PIP5K1C: variants seen among roughly 807,000 people sequenced by gnomAD.
PIP5K1C encodes phosphatidylinositol 4-phosphate 5-kinase type-1 gamma.
In PIP5K1C, 45 loss-of-function variants were observed where a neutral mutation model predicts 80.1. That is an observed-to-expected ratio of 0.56 (90% CI 0.44 to 0.72). The LOEUF is 0.72. Among genes scored for constraint, PIP5K1C ranks in the 30% least tolerant of loss-of-function variants. The probability of loss-of-function intolerance (pLI) is 0.00; values close to 1 mark genes in which losing one functional copy is unlikely to be tolerated. For synonymous variants in PIP5K1C, 498 were observed against 420.1 expected (o/e 1.19, Z -2.27); for missense variants, 753 against 954.6 (o/e 0.79, Z 2.78).
intron 1 of PIP5K1C, among the ~76,000 whole-genome samples, chr19:3,681,935 T>TC (rs2035601728): frequency 1.3e-5 from 2 of 152,102 alleles, no homozygotes; most frequent in African/African-American, 4.8e-5. Context: ...GCGAACTCCT[T>TC]CCCCGTCAGC....
intron 1 of PIP5K1C, among the ~76,000 whole-genome samples, chr19:3,686,416 T>C (rs891078518): frequency 6.2e-5 from 9 of 144,160 alleles, no homozygotes; most frequent in Non-Finnish European, 1.4e-4. Flanking sequence ...TGAGACTCTG[T>C]CTCAAAAAAA....
At chr19:3,662,678 G>C (rs914773325) in intron 3 of PIP5K1C, among the ~76,000 whole-genome samples, 6 of 152,092 alleles carry the variant, frequency 3.9e-5, no homozygotes, top group Admixed American at 3.9e-4. Flanking sequence ...TGATTCTCCT[G>C]CCTCAGCTTC....
chr19:3,633,629 C>A (rs1181897402), intron 16 of PIP5K1C, 109 bp from the exon 17 acceptor site: 1 of 700,498 alleles, frequency 1.4e-6, no homozygotes, highest in Non-Finnish European at 2.1e-6. Flanking sequence ...AGAGGCGAAT[C>A]CCCCATGGAA....
At position 3,688,512 on chromosome 19, in the gene PIP5K1C, CCCCCTGGT is replaced by C. The variant is rs529818273; in HGVS notation, c.94+11777_94+11784del. Among the ~76,000 whole-genome samples the C allele has an allele frequency of 6.6e-6, 1 of 152,282 alleles. No individual in the cohort carries two copies. Among genetic ancestry groups the C allele is most frequent in the East Asian group, 1.9e-4 (1 of 5,164 alleles). On this transcript the variant is annotated intron_variant, in intron 1 of 17. Coordinates refer to ENST00000335312, the MANE Select transcript of PIP5K1C (RefSeq NM_012398.3). This position sits in a 1 kb window ranked among gnomAD's most constrained non-coding sequence, Gnocchi z 5.3. ...GGCAGCTCCGGTGAGGCCACCCTCG[CCCCCTGGT>C]TTCAACTCCTGCTGTGAGCACCTGG...
At chr19:3,668,458 G>C (rs1301178312) in intron 1 of PIP5K1C, 2 of 152,374 alleles carry the variant, frequency 1.3e-5, no homozygotes, top group Non-Finnish European at 2.9e-5. Context: ...GAGGGAGGAA[G>C]GGACCTGAGC....
Position 3,630,950 on chromosome 19 carries a change from G to A in PIP5K1C, c.*2217C>T, listed in dbSNP as rs527814833. 6.6e-6 allele frequency: 1 copy of A among 152,236 alleles called. No homozygotes were observed. The highest frequency in any genetic ancestry group is 6.5e-5 in the Admixed American group (1 of 15,282). The allele number at this position is 152,236 out of a possible 1,614,324, so 9.4% of individuals were successfully genotyped here. ...TGCCGTCCTCCTGCCCCCGCCCCTC[G>A]GCACAGTCAGTGGAGCACGTCAGCC... On this transcript the variant is annotated 3_prime_UTR_variant, in exon 18 of 18. Coordinates refer to ENST00000335312, the MANE Select transcript of PIP5K1C (RefSeq NM_012398.3).
intron 4 of PIP5K1C, among the ~76,000 whole-genome samples, 187 bp from the exon 5 acceptor site, chr19:3,661,270 C>T (rs973148233): frequency 3.3e-5 from 5 of 152,120 alleles, no homozygotes; most frequent in Admixed American, 6.6e-5. Flanking sequence ...AGTAACCACC[C>T]TCTCTTCTTT....
chr19:3,684,995 T>C (rs950418697), intron 1 of PIP5K1C, among the ~76,000 whole-genome samples: 11 of 152,216 alleles, frequency 7.2e-5, no homozygotes, highest in African/African-American at 2.7e-4. Flanking sequence ...TTTGGTGCCG[T>C]CTGAAATACA....
At chr19:3,653,620 G>T (rs2034526127) in intron 6 of PIP5K1C, 31 bp from the exon 7 acceptor site, 2 of 1,589,458 alleles carry the variant, frequency 1.3e-6, no homozygotes, top group Non-Finnish European at 1.7e-6. Flanking sequence ...GTCGTGGAGG[G>T]CGGCTGGGCC....
In PIP5K1C at chr19:3,633,663, T is replaced by A. The variant is rs952037369; in HGVS notation, c.1921-143A>T. 145 of 515,190 alleles carry A rather than the reference T, an allele frequency of 2.8e-4. No homozygotes were observed. The East Asian group carries it at 5.0e-3, about 18-fold the overall frequency. 31.9% of individuals were successfully genotyped at this position (515,190 alleles called of 1,614,324 possible). On this transcript the variant is annotated intron_variant, in intron 16 of 17. Transcript: ENST00000335312. ...AAGACGAGGGGTGGCTCAGCCCAGCTGCCCTCTCTGACCCGGTGGACTTGC... is the reference window on the plus strand; with the variant it reads ...AAGACGAGGGGTGGCTCAGCCCAGCAGCCCTCTCTGACCCGGTGGACTTGC...
intron 1 of PIP5K1C, among the ~76,000 whole-genome samples, chr19:3,681,837 T>C (rs938895113): frequency 1.3e-5 from 2 of 151,922 alleles, no homozygotes; most frequent in Non-Finnish European, 2.9e-5. Context: ...GGCACATTCT[T>C]CAGATAAACT....
At chr19:3,662,366 G>A (rs1306839813) in intron 3 of PIP5K1C, among the ~76,000 whole-genome samples, 1 of 152,184 alleles carries the variant, frequency 6.6e-6, no homozygotes, top group Non-Finnish European at 1.5e-5. Context: ...TTTTTAGGGG[G>A]TACCATTTAC....
intron 16 of PIP5K1C, chr19:3,636,795 C>G (rs1165475780): frequency 1.0e-6 from 1 of 987,448 alleles, no homozygotes; most frequent in Non-Finnish European, 1.2e-6. Flanking sequence ...AGGGGACACT[C>G]CTGCTTTGGG....
chr19:3,687,754 G>T (rs769417522), intron 1 of PIP5K1C, among the ~76,000 whole-genome samples: 1 of 152,164 alleles, frequency 6.6e-6, no homozygotes, highest in Admixed American at 6.5e-5. Flanking sequence ...GTAGTAGGCC[G>T]CCCCTCTTCC....
At position 3,651,897 on chromosome 19, in the gene PIP5K1C, C is replaced by A; in HGVS notation, c.1056G>T (p.Ala352=). 6.2e-7 allele frequency: 1 copy of A among 1,612,812 alleles called. No homozygotes were observed. The highest frequency in any genetic ancestry group is 1.1e-5 in the South Asian group (1 of 91,080). The change falls in exon 8 of 18, where the codon GCG becomes GCT. Residue 352 remains alanine (A), a synonymous_variant. Coordinates refer to ENST00000335312, the MANE Select transcript of PIP5K1C (RefSeq NM_012398.3). The part of the protein sequence containing the change: ...SDEKRPVGQK[A]LYSTAMESIQ... The stretch of plus-strand genomic sequence containing the variant: ...TGGACTCCATGGCCGTGGAGTAGAG[C>A]GCCTTCTGGCCCACAGGCCGCTTCT...
chr19:3,698,950 C>T (rs1301044926), intron 1 of PIP5K1C, among the ~76,000 whole-genome samples: 1 of 148,788 alleles, frequency 6.7e-6, no homozygotes, highest in Non-Finnish European at 1.5e-5. Context: ...CCCACCCCCC[C>T]ACTCCCCCGC....
intron 1 of PIP5K1C, among the ~76,000 whole-genome samples, chr19:3,668,760 C>T (rs1054906793): frequency 8.6e-5 from 13 of 151,994 alleles, no homozygotes; most frequent in Non-Finnish European, 1.8e-4. Flanking sequence ...GGGTGACAGG[C>T]GGGGTGCGGA....
Position 3,700,442 on chromosome 19 carries a change from C to G in PIP5K1C, c.-52G>C, listed in dbSNP as rs1475452250. On this transcript the variant is annotated 5_prime_UTR_variant, in exon 1 of 18. Transcript: ENST00000335312. Reference sequence around the variant, plus strand: ...GCCCGAGGGGGACCCGAGCTGCGACCGCCGCCGCCGAACAACAAGCGCCGC... The same window carrying G: ...GCCCGAGGGGGACCCGAGCTGCGACGGCCGCCGCCGAACAACAAGCGCCGC... The G allele has an allele frequency of 2.1e-6, 2 of 965,540 alleles. No individual in the cohort carries two copies. Among genetic ancestry groups the G allele is most frequent in the African/African-American group, 1.8e-5 (1 of 56,300 alleles). 59.8% of individuals were successfully genotyped at this position (965,540 alleles called of 1,614,324 possible). A position where few individuals can be genotyped will look rare whatever the true frequency, so the allele number is the denominator to read the frequency against.
At chr19:3,677,275 GAAAAGA>G (rs915642723) in intron 1 of PIP5K1C, among the ~76,000 whole-genome samples, 1 of 151,912 alleles carries the variant, frequency 6.6e-6, no homozygotes, top group Admixed American at 6.6e-5. Flanking sequence ...AATGAAGACT[GAAAAGA>G]AAAAGAGAAA....
Sources: allele counts gnomAD v4.1 joint callset (sites outside exome capture counted in the v4.1 genomes callset), GRCh38; gene constraint gnomAD v4.1.1; non-coding constraint Gnocchi (gnomAD v3.1); transcripts MANE v1.5; gene names NCBI Gene and HGNC (gene_info 2026-07-23, HGNC 2026-07-21).